Variants in PTPN5 observed in about 807,000 individuals in gnomAD.
PTPN5 encodes protein tyrosine phosphatase non-receptor type 5, also known as tyrosine-protein phosphatase non-receptor type 5.
Under a neutral mutation model 73.9 loss-of-function variants are expected in PTPN5, and 29 were observed. The observed-to-expected ratio is 0.39, with a 90% CI of 0.29 to 0.54. The LOEUF is 0.54. Ranked by LOEUF, PTPN5 falls within the 20% of genes least tolerant of loss-of-function variation. The pLI is 0.65. For missense variants in PTPN5, 652 were observed against 751.4 expected, an observed-to-expected ratio of 0.87 and a Z score of 1.55; for synonymous variants, 267 against 304.7, an observed-to-expected ratio of 0.88 and a Z score of 1.29.
chr11:18,790,540 G>A (rs572107908), intron 1 of PTPN5, among the ~76,000 whole-genome samples: 1 of 152,286 alleles, frequency 6.6e-6, no homozygotes, highest in East Asian at 1.9e-4. Flanking sequence ...CGGAGTGTTT[G>A]AGTGTTATGA....
intron 3 of PTPN5, among the ~76,000 whole-genome samples, chr11:18,756,098 G>A (rs1850122394): frequency 6.6e-6 from 1 of 151,856 alleles, no homozygotes; most frequent in South Asian, 2.1e-4. Context: ...GCTAGTGACT[G>A]GTCCTCAGAA....
chr11:18,783,054 T>C (rs1342937799), intron 1 of PTPN5, among the ~76,000 whole-genome samples: 2 of 152,218 alleles, frequency 1.3e-5, no homozygotes, highest in African/African-American at 4.8e-5. Flanking sequence ...TATATGATTT[T>C]CACTGCCACT....
chr11:18,770,035 T>G (rs1247122508), intron 2 of PTPN5, among the ~76,000 whole-genome samples: 1 of 152,142 alleles, frequency 6.6e-6, no homozygotes, highest in Non-Finnish European at 1.5e-5. Context: ...TGGGTAGGTC[T>G]GTAACACGAA....
intron 1 of PTPN5, among the ~76,000 whole-genome samples, chr11:18,773,204 G>C (rs1286106539): frequency 6.6e-6 from 1 of 152,050 alleles, no homozygotes; most frequent in East Asian, 1.9e-4. Flanking sequence ...ATATTCCCTT[G>C]GGAGAGGCGG....
intron 1 of PTPN5, among the ~76,000 whole-genome samples, chr11:18,779,433 A>C (rs1422188758): frequency 6.6e-6 from 1 of 152,112 alleles, no homozygotes; most frequent in Non-Finnish European, 1.5e-5. Context: ...AAGGAGCCTG[A>C]CCTCTTGAAT....
At chr11:18,755,748 G>A (rs551061838) in intron 3 of PTPN5, among the ~76,000 whole-genome samples, 2 of 152,178 alleles carry the variant, frequency 1.3e-5, no homozygotes, top group African/African-American at 2.4e-5. Flanking sequence ...GCTCACTCCC[G>A]TAATCCCAGC....
chr11:18,751,128 G>C (rs1308363359), intron 3 of PTPN5, among the ~76,000 whole-genome samples: 3 of 152,210 alleles, frequency 2.0e-5, no homozygotes, highest in African/African-American at 7.2e-5. Flanking sequence ...GGCTCTGAGA[G>C]GAACAGCCTG....
At chr11:18,743,167 C>T (rs1487748091) in intron 5 of PTPN5, 92 bp from the exon 6 acceptor site, 48 of 1,232,710 alleles carry the variant, frequency 3.9e-5, no homozygotes, top group Non-Finnish European at 5.3e-5. Context: ...CTGAAAATCA[C>T]GTCCCAGGTC....
chr11:18,742,615 C>G lies in PTPN5; in HGVS notation c.484-112G>C. ...CACTCCCTCAGTGTGTCTAGAGCAGCTCTGCTCTCCTGGGAGTTGTCCACA... is the reference window on the plus strand; with the variant it reads ...CACTCCCTCAGTGTGTCTAGAGCAGGTCTGCTCTCCTGGGAGTTGTCCACA... On this transcript the variant is annotated intron_variant, in intron 6 of 14. Coordinates refer to ENST00000358540, the MANE Select transcript of PTPN5 (RefSeq NM_006906.2). The surrounding 1 kb of genome is among the most constrained non-coding windows in gnomAD (Gnocchi z 4.1). 6.9e-7 allele frequency: 1 copy of G among 1,443,180 alleles called. No individual in the cohort carries two copies. The highest frequency in any genetic ancestry group is 9.3e-7 in the Non-Finnish European group (1 of 1,076,252). 89.4% of individuals were successfully genotyped at this position (1,443,180 alleles called of 1,614,324 possible). A position where few individuals can be genotyped will look rare whatever the true frequency, so the allele number is the denominator to read the frequency against.
chr11:18,789,002 C>T (rs1468155129), intron 1 of PTPN5, among the ~76,000 whole-genome samples: 1 of 152,156 alleles, frequency 6.6e-6, no homozygotes, highest in Non-Finnish European at 1.5e-5. Flanking sequence ...TGTTGATCCT[C>T]CCAGGGAGTT....
intron 3 of PTPN5, among the ~76,000 whole-genome samples, chr11:18,764,236 A>T (rs753118741): frequency 2.0e-5 from 3 of 152,204 alleles, no homozygotes; most frequent in Non-Finnish European, 2.9e-5. Context: ...TTAGAGTCAG[A>T]GAGTTCTGCG....
intron 3 of PTPN5, among the ~76,000 whole-genome samples, chr11:18,761,733 G>A (rs922793412): frequency 6.6e-6 from 1 of 152,066 alleles, no homozygotes; most frequent in Non-Finnish European, 1.5e-5. Context: ...GTGAAGAAGG[G>A]GTACAGTAGT....
chr11:18,771,094 A>G (rs1262554639), intron 2 of PTPN5, among the ~76,000 whole-genome samples: 1 of 151,800 alleles, frequency 6.6e-6, no homozygotes, highest in Non-Finnish European at 1.5e-5. Context: ...AGCAAGGGGG[A>G]ACTGGGATGC....
chr11:18,734,563 G>C (rs1468634275), intron 9 of PTPN5, among the ~76,000 whole-genome samples: 1 of 152,158 alleles, frequency 6.6e-6, no homozygotes, highest in Admixed American at 6.5e-5. Context: ...TCCAATTCCT[G>C]GCTCAAGTGA....
intron 1 of PTPN5, among the ~76,000 whole-genome samples, chr11:18,782,841 G>A (rs1361832514): frequency 6.6e-6 from 1 of 152,182 alleles, no homozygotes; most frequent in Non-Finnish European, 1.5e-5. Flanking sequence ...AAATATATAG[G>A]AGATGGGGCC....
chr11:18,758,399 G>A (rs1034196249), intron 3 of PTPN5, among the ~76,000 whole-genome samples: 1 of 152,180 alleles, frequency 6.6e-6, no homozygotes, highest in African/African-American at 2.4e-5. Flanking sequence ...GAAGCCCAAG[G>A]TAGGAGCACT....
chr11:18,776,325 T>C (rs1421286932), intron 1 of PTPN5, among the ~76,000 whole-genome samples: 1 of 152,054 alleles, frequency 6.6e-6, no homozygotes, highest in Non-Finnish European at 1.5e-5. Flanking sequence ...AAAATTCTTA[T>C]TTGCCTTTTA....
chr11:18,732,737 T>A, intron 11 of PTPN5, 35 bp from the exon 12 acceptor site: 1 of 1,559,828 alleles, frequency 6.4e-7, no homozygotes, highest in South Asian at 1.1e-5. Context: ...CATACAATCC[T>A]GTTCCCTTCC....
At chr11:18,783,710 T>C (rs565416282) in intron 1 of PTPN5, among the ~76,000 whole-genome samples, 11 of 152,220 alleles carry the variant, frequency 7.2e-5, no homozygotes, top group Non-Finnish European at 1.5e-4. Context: ...CAGACCACTG[T>C]TGCCAGGTGA....
Sources: gnomAD v4.1 joint callset for allele counts (sites outside exome capture counted in the v4.1 genomes callset) on GRCh38, gnomAD v4.1.1 for gene constraint, Gnocchi (gnomAD v3.1) non-coding constraint, MANE v1.5 for transcripts, NCBI Gene and HGNC (gene_info 2026-07-23, HGNC 2026-07-21) for gene names.